MAD1L1: variants seen among roughly 807,000 people sequenced by gnomAD.
MAD1L1 encodes the protein mitotic spindle assembly checkpoint protein MAD1.
Under a neutral mutation model 96.9 loss-of-function variants are expected in MAD1L1, and 95 were observed. That is an observed-to-expected ratio of 0.98 (90% confidence interval 0.83 to 1.16). The LOEUF (loss-of-function observed/expected upper bound fraction) is 1.16, where lower values mean the gene tolerates loss of function less well. MAD1L1 is among the 50% of genes most tolerant of loss of function. MAD1L1 has a pLI of 0.00. For missense variants in MAD1L1, 1,007 were observed against 954.4 expected, an observed-to-expected ratio of 1.06 and a Z score of -0.73; for synonymous variants, 473 against 396.6, an observed-to-expected ratio of 1.19 and a Z score of -2.29.
chr7:2,093,061 C>T (rs1786295197), intron 11 of MAD1L1, among the ~76,000 whole-genome samples: 1 of 151,294 alleles, frequency 6.6e-6, no homozygotes, highest in South Asian at 2.1e-4. Context: ...TATGGTGAAA[C>T]CCCGTCTCTA....
chr7:1,881,997 C>T (rs1156351465), intron 18 of MAD1L1, among the ~76,000 whole-genome samples: 2 of 152,192 alleles, frequency 1.3e-5, no homozygotes, highest in East Asian at 1.9e-4. Flanking sequence ...CCACAGCTGG[C>T]GACCTCCCCC....
intron 17 of MAD1L1, among the ~76,000 whole-genome samples, chr7:1,927,168 T>C (rs966367454): frequency 3.3e-5 from 5 of 152,140 alleles, no homozygotes; most frequent in Middle Eastern, 3.2e-3. Flanking sequence ...ACCATGTGTA[T>C]TTCTAACAAA....
At chr7:2,080,169 T>A (rs183414190) in intron 11 of MAD1L1, among the ~76,000 whole-genome samples, 12 of 152,374 alleles carry the variant, frequency 7.9e-5, no homozygotes, top group African/African-American at 2.4e-4. Context: ...CCACCACCTA[T>A]GGTTGTAAGG....
At chr7:2,151,594 G>A (rs939491850) in intron 10 of MAD1L1, among the ~76,000 whole-genome samples, 7 of 152,250 alleles carry the variant, frequency 4.6e-5, no homozygotes, top group South Asian at 2.1e-4. Flanking sequence ...ATTTGACACC[G>A]ATTTAGAAAC....
chr7:1,842,097 T>C (rs547614473), intron 18 of MAD1L1, among the ~76,000 whole-genome samples: 4 of 152,320 alleles, frequency 2.6e-5, no homozygotes, highest in Non-Finnish European at 2.9e-5. Flanking sequence ...GGAATTTTCT[T>C]TTTTTTTCTT....
At chr7:2,067,518 G>T (rs556563071) in intron 12 of MAD1L1, among the ~76,000 whole-genome samples, 1 of 152,280 alleles carries the variant, frequency 6.6e-6, no homozygotes, top group East Asian at 1.9e-4. Context: ...AAAGAACACA[G>T]TGTCGCCCCC....
intron 13 of MAD1L1, among the ~76,000 whole-genome samples, chr7:2,009,656 CA>C (rs1782201739): frequency 6.6e-6 from 1 of 152,204 alleles, no homozygotes; most frequent in Non-Finnish European, 1.5e-5. Context: ...ACAGAGCACA[CA>C]ACAGGCAGTC....
At chr7:2,208,373 C>T (rs932186935) in intron 10 of MAD1L1, among the ~76,000 whole-genome samples, 4 of 151,696 alleles carry the variant, frequency 2.6e-5, no homozygotes, top group Non-Finnish European at 5.9e-5. Flanking sequence ...TTACTTCCTC[C>T]TTTCCAGTCT....
At chr7:1,855,070 C>T (rs1583566166) in intron 18 of MAD1L1, among the ~76,000 whole-genome samples, 1 of 152,182 alleles carries the variant, frequency 6.6e-6, no homozygotes, top group Non-Finnish European at 1.5e-5. Context: ...GGGAGTTTTC[C>T]GAACCACCTT....
At chr7:2,025,173 G>GT (rs1362839619) in intron 12 of MAD1L1, among the ~76,000 whole-genome samples, 3 of 152,192 alleles carry the variant, frequency 2.0e-5, no homozygotes, top group Admixed American at 6.5e-5. Flanking sequence ...TAGTTTTTCT[G>GT]TAAACCTTAA....
At chr7:2,226,595 G>C (rs1793911303) in intron 3 of MAD1L1, among the ~76,000 whole-genome samples, 1 of 152,242 alleles carries the variant, frequency 6.6e-6, no homozygotes, top group Non-Finnish European at 1.5e-5. Flanking sequence ...AAAAGGCAGA[G>C]TCACTGACTC....
chr7:2,062,578 C>CA lies in MAD1L1; in HGVS notation c.1218+6615dup, dbSNP rs1274039388. On this transcript the variant is annotated intron_variant, in intron 12 of 18. Coordinates refer to ENST00000265854, the MANE Select transcript of MAD1L1 (RefSeq NM_001013836.2). ...CAACAAAGAGAGACTCTGTCTCAAACAAAAAAAAAACAGGGAAGTGAAGTC... is the reference window on the plus strand; with the variant it reads ...CAACAAAGAGAGACTCTGTCTCAAACAAAAAAAAAAACAGGGAAGTGAAGTC... 4.4e-3 allele frequency among the ~76,000 whole-genome samples: 649 copies of CA among 146,910 alleles called. 9 individuals are homozygous for CA. Among genetic ancestry groups the CA allele is most frequent in the African/African-American group, 0.014 (575 of 40,066 alleles).
At chr7:1,861,386 A>C (rs551666520) in intron 18 of MAD1L1, among the ~76,000 whole-genome samples, 1 of 152,320 alleles carries the variant, frequency 6.6e-6, no homozygotes, top group East Asian at 1.9e-4. Flanking sequence ...ACGCCTCTAA[A>C]CAGAAGCGTC....
At chr7:1,914,426 G>T (rs926314588) in intron 17 of MAD1L1, among the ~76,000 whole-genome samples, 1 of 152,236 alleles carries the variant, frequency 6.6e-6, no homozygotes, top group African/African-American at 2.4e-5. Flanking sequence ...GAGATCCGAA[G>T]ATGTGCGCTC....
intron 11 of MAD1L1, among the ~76,000 whole-genome samples, chr7:2,136,290 C>T (rs946488882): frequency 3.3e-5 from 5 of 152,176 alleles, no homozygotes; most frequent in African/African-American, 1.2e-4. Flanking sequence ...TGAGAGGGCA[C>T]AGGCTTAGGA....
rs201116058 is a variant in MAD1L1 at position 1,828,227 on chromosome 7, AAAC to A, written c.1999-12002_1999-12000del. Among the ~76,000 whole-genome samples the A allele has an allele frequency of 9.3e-3, 1,414 of 152,272 alleles. 27 individuals carry two copies. Among genetic ancestry groups the A allele is most frequent in the African/African-American group, 0.032 (1,325 of 41,566 alleles). Reference sequence around the variant, plus strand: ...GCCAGAATATGAGGCATCAAATGTGAAACAACAGTTTTCAGTCAGGAAGGGTGG... The same window carrying A: ...GCCAGAATATGAGGCATCAAATGTGAAACAGTTTTCAGTCAGGAAGGGTGG... On this transcript the variant is annotated intron_variant, in intron 18 of 18. Transcript: ENST00000265854.
chr7:2,072,740 C>T (rs144981659), intron 11 of MAD1L1, among the ~76,000 whole-genome samples: 42 of 152,332 alleles, frequency 2.8e-4, no homozygotes, highest in African/African-American at 1.0e-3. Flanking sequence ...GTGACAGGCA[C>T]AGCACAGGCA....
intron 15 of MAD1L1, among the ~76,000 whole-genome samples, chr7:1,966,130 G>A (rs1430939903): frequency 2.6e-5 from 4 of 152,248 alleles, no homozygotes; most frequent in Non-Finnish European, 2.9e-5. Context: ...GCCAAGGCCA[G>A]GAGCGCTGCC....
intron 15 of MAD1L1, among the ~76,000 whole-genome samples, chr7:1,967,143 C>A (rs1275103635): frequency 6.6e-6 from 1 of 152,166 alleles, no homozygotes; most frequent in Non-Finnish European, 1.5e-5. Flanking sequence ...GGGCAAGGGA[C>A]CTGCCGGGAG....
Sources: allele counts gnomAD v4.1 joint callset (sites outside exome capture counted in the v4.1 genomes callset), GRCh38; gene constraint gnomAD v4.1.1; transcripts MANE v1.5; gene names NCBI Gene and HGNC (gene_info 2026-07-23, HGNC 2026-07-21).